Variants in CARMIL1 observed in about 807,000 individuals in gnomAD.
The protein encoded by CARMIL1 is capping protein regulator and myosin 1 linker 1.
A neutral mutation model predicts 177.1 loss-of-function variants in CARMIL1; 90 were observed. The observed-to-expected ratio is 0.51, with a 90% confidence interval of 0.43 to 0.61. The LOEUF (loss-of-function observed/expected upper bound fraction) is 0.61. Ranked by LOEUF, CARMIL1 falls within the 20% of genes least tolerant of loss-of-function variation. The probability of loss-of-function intolerance (pLI) is 0.00; values close to 1 mark genes in which losing one functional copy is unlikely to be tolerated. For synonymous variants in CARMIL1, 577 were observed against 606.2 expected, an observed-to-expected ratio of 0.95 and a Z score of 0.71; for missense variants, 1,380 against 1,667.0, an observed-to-expected ratio of 0.83 and a Z score of 3.00.
chr6:25,614,141 A>G (rs1562344543), intron 36 of CARMIL1, among the ~76,000 whole-genome samples: 1 of 152,156 alleles, frequency 6.6e-6, no homozygotes, highest in Admixed American at 6.5e-5. Context: ...AAAAACATCT[A>G]CCAACTGCCT....
At position 25,581,232 on chromosome 6, in the gene CARMIL1, T is replaced by C. The variant is rs879136025; in HGVS notation, c.2810-11T>C. The C allele has an allele frequency of 1.2e-6, 2 of 1,606,528 alleles. No homozygotes were observed. The highest frequency in any genetic ancestry group is 3.5e-5 in the Admixed American group (2 of 57,766). ...TGGGCTGTTTTTTTGTTTTTTTGTTTTTAATTTTAGAAATGGAGTTTGATC... is the reference window on the plus strand; with the variant it reads ...TGGGCTGTTTTTTTGTTTTTTTGTTCTTAATTTTAGAAATGGAGTTTGATC... On this transcript the variant is annotated splice_polypyrimidine_tract_variant and intron_variant, in intron 30 of 36. Coordinates refer to ENST00000329474, the MANE Select transcript of CARMIL1 (RefSeq NM_017640.6).
intron 5 of CARMIL1, among the ~76,000 whole-genome samples, chr6:25,449,488 A>G (rs1174462966): frequency 6.6e-6 from 1 of 152,218 alleles, no homozygotes; most frequent in African/African-American, 2.4e-5. Context: ...TGACTTGATC[A>G]GTTTCTTGAT....
At chr6:25,431,212 T>G (rs1369223411) in intron 4 of CARMIL1, among the ~76,000 whole-genome samples, 1 of 152,184 alleles carries the variant, frequency 6.6e-6, no homozygotes. Context: ...TTTGCTCTGA[T>G]CTTTGTTCTT....
chr6:25,419,606 G>C (rs1000524557), intron 2 of CARMIL1, among the ~76,000 whole-genome samples: 1 of 152,198 alleles, frequency 6.6e-6, no homozygotes, highest in Non-Finnish European at 1.5e-5. Flanking sequence ...CAAAGTTAGG[G>C]ATGATTTTTT....
intron 12 of CARMIL1, among the ~76,000 whole-genome samples, chr6:25,482,953 A>G (rs1802266276): frequency 6.6e-6 from 1 of 152,004 alleles, no homozygotes; most frequent in Admixed American, 6.6e-5. Context: ...TTTGCCCTGG[A>G]TGCCTGAAAA....
intron 2 of CARMIL1, among the ~76,000 whole-genome samples, chr6:25,308,208 CTT>C (rs1469784848): frequency 6.6e-6 from 1 of 152,144 alleles, no homozygotes; most frequent in African/African-American, 2.4e-5. Context: ...TGAGCTGAAA[CTT>C]TCTGTGCAGG....
rs116617723 is a variant in CARMIL1 at position 25,602,756 on chromosome 6, G to T, written c.3552+2010G>T. Among the ~76,000 whole-genome samples, 1,193 of 152,116 alleles carry T rather than the reference G, an allele frequency of 7.8e-3. 12 individuals are homozygous for T. The highest frequency in any genetic ancestry group is 0.025 in the African/African-American group (1,056 of 41,488). Reference sequence around the variant, plus strand: ...TAAAGGTAGCAACAATAGCATCAATGATCAATATACTGTTGATAAAATATA... The same window carrying T: ...TAAAGGTAGCAACAATAGCATCAATTATCAATATACTGTTGATAAAATATA... On this transcript the variant is annotated intron_variant, in intron 33 of 36. Coordinates refer to ENST00000329474, the MANE Select transcript of CARMIL1 (RefSeq NM_017640.6).
chr6:25,304,831 C>G (rs1783139250), intron 2 of CARMIL1, among the ~76,000 whole-genome samples: 2 of 152,196 alleles, frequency 1.3e-5, no homozygotes, highest in South Asian at 4.1e-4. Context: ...GTTTTACTGT[C>G]AAGAACTTAA....
chr6:25,601,587 G>T (rs936222220), intron 33 of CARMIL1, among the ~76,000 whole-genome samples: 2 of 152,098 alleles, frequency 1.3e-5, no homozygotes, highest in African/African-American at 4.8e-5. Flanking sequence ...AGAATGCCTT[G>T]CTATATTCCA....
intron 29 of CARMIL1, among the ~76,000 whole-genome samples, chr6:25,559,483 G>A (rs1690710186): frequency 6.6e-6 from 1 of 152,174 alleles, no homozygotes; most frequent in South Asian, 2.1e-4. Flanking sequence ...AAAACTATCA[G>A]AAGGGCAAGT....
chr6:25,340,030 G>A (rs1469391259), intron 2 of CARMIL1, among the ~76,000 whole-genome samples: 2 of 152,138 alleles, frequency 1.3e-5, no homozygotes, highest in Non-Finnish European at 2.9e-5. Flanking sequence ...AGAAATAATC[G>A]ATTTTGTAAT....
At chr6:25,594,670 C>T (rs753837162) in intron 32 of CARMIL1, 143 bp downstream of exon 32, 8 of 579,954 alleles carry the variant, frequency 1.4e-5, no homozygotes, top group Non-Finnish European at 2.1e-5. Flanking sequence ...GTCTCTGGGC[C>T]GGCAATACCA....
At chr6:25,385,442 A>T (rs1195971489) in intron 2 of CARMIL1, among the ~76,000 whole-genome samples, 7 of 152,166 alleles carry the variant, frequency 4.6e-5, no homozygotes, top group Admixed American at 4.6e-4. Context: ...CTGGAGACAG[A>T]GTAGATAAGT....
chr6:25,406,265 G>A (rs904887691), intron 2 of CARMIL1, among the ~76,000 whole-genome samples: 3 of 152,194 alleles, frequency 2.0e-5, no homozygotes, highest in Admixed American at 6.5e-5. Context: ...TGAGCCAGGT[G>A]AAGGTAAAGC....
At chr6:25,504,482 T>C (rs1804723849) in intron 17 of CARMIL1, among the ~76,000 whole-genome samples, 1 of 152,132 alleles carries the variant, frequency 6.6e-6, no homozygotes, top group Admixed American at 6.5e-5. Flanking sequence ...AAAAAAAAGT[T>C]TCCTGTGGGT....
Position 25,600,604 on chromosome 6 carries a change from G to T in CARMIL1, c.3410G>T (p.Gly1137Val). 6.2e-7 allele frequency: 1 copy of T among 1,613,970 alleles called. No individual in the cohort carries two copies. The highest frequency in any genetic ancestry group is 2.2e-5 in the East Asian group (1 of 44,880). The change falls in exon 33 of 37, where the codon GGG (glycine) becomes GTG (valine). Residue 1137 changes from glycine (G) to valine (V), a missense_variant. Gly to Val is a moderately radical substitution (Grantham distance 109). Transcript: ENST00000329474. ...CCTGACTCCTTTGAAGAGAGTCAAG[G>T]GGAAGAAATAGGGAAGGTGGAACGG... ...KTPDSFEESQ[G>V]EEIGKVERSD...
intron 5 of CARMIL1, among the ~76,000 whole-genome samples, chr6:25,436,776 T>G (rs1237658468): frequency 6.6e-6 from 1 of 152,168 alleles, no homozygotes; most frequent in Non-Finnish European, 1.5e-5. Flanking sequence ...TTAAGTCTTG[T>G]GGTTCTCTGA....
rs1554199141 is a variant in CARMIL1 at position 25,452,003 on chromosome 6, C to CCCG, written c.614+1293_614+1294insCGC. ...AGCATCTTGCCCCCCCCTCCCCCCC[C>CCCG]CAGAATACTGTTTTGAATTATTTTT... On this transcript the variant is annotated intron_variant, in intron 8 of 36. Coordinates refer to ENST00000329474, the MANE Select transcript of CARMIL1 (RefSeq NM_017640.6). 5.4e-5 allele frequency: 16 copies of CCCG among 293,982 alleles called. 1 individual carries two copies. The highest frequency in any genetic ancestry group is 1.0e-4 in the Non-Finnish European group (15 of 144,772). The allele number at this position is 293,982 out of a possible 1,614,324, so 18.2% of individuals were successfully genotyped here.
At chr6:25,573,049 A>G (rs1812246771) in intron 29 of CARMIL1, among the ~76,000 whole-genome samples, 1 of 152,144 alleles carries the variant, frequency 6.6e-6, no homozygotes, top group South Asian at 2.1e-4. Flanking sequence ...CAAGCCCTCT[A>G]TGGGCTCTGG....
Sources: gnomAD v4.1 joint callset for allele counts (sites outside exome capture counted in the v4.1 genomes callset) on GRCh38, gnomAD v4.1.1 for gene constraint, MANE v1.5 for transcripts, NCBI Gene and HGNC (gene_info 2026-07-23, HGNC 2026-07-21) for gene names.